MROH7: variants seen among roughly 807,000 people sequenced by gnomAD.
MROH7 encodes maestro heat-like repeat-containing protein family member 7.
A neutral mutation model predicts 129.2 loss-of-function variants in MROH7; 113 were observed. That is an observed-to-expected ratio of 0.87 (90% confidence interval 0.75 to 1.02). The LOEUF (loss-of-function observed/expected upper bound fraction) is 1.02, where lower values mean the gene tolerates loss of function less well. MROH7 is among the 50% of genes least tolerant of loss of function. MROH7 has a pLI of 0.00. For synonymous variants in MROH7, 655 were observed against 667.9 expected, an observed-to-expected ratio of 0.98 and a Z score of 0.30; for missense variants, 1,601 against 1,671.3, an observed-to-expected ratio of 0.96 and a Z score of 0.73.
At position 54,690,525 on chromosome 1, in the gene MROH7, A is replaced by G. The variant is rs1426293189; in HGVS notation, c.2712-1899A>G. 5.3e-5 allele frequency among the ~76,000 whole-genome samples: 8 copies of G among 150,432 alleles called. No homozygotes were observed. In the South Asian group the frequency reaches 6.4e-4, roughly 12 times the overall value. On this transcript the variant is annotated intron_variant, in intron 15 of 23. Transcript: ENST00000421030. ...GTGGCGCTACCTCAGCTCACTGCAA[A>G]CTCCGCCTCCCGGGTTCACGCCATT...
At chr1:54,675,683 A>T (rs140152674) in intron 10 of MROH7, among the ~76,000 whole-genome samples, 4 of 151,182 alleles carry the variant, frequency 2.6e-5, no homozygotes, top group South Asian at 4.2e-4. Context: ...CTGCAGCCTC[A>T]ATCTTTCAGG....
At position 54,652,932 on chromosome 1, in the gene MROH7, C is replaced by T. The variant is rs1011418399; in HGVS notation, c.6C>T (p.Ala2=). Residue 2 remains alanine (A), a synonymous_variant, in exon 3 of 24, where the codon GCC becomes GCT. Transcript: ENST00000421030. The part of the protein sequence containing the change: M[A]LSPGANLVFH... ...GAGAGACCTCCAGACTGGACATGGCCCTGAGTCCAGGGGCTAACCTGGTCT... is the reference window on the plus strand; with the variant it reads ...GAGAGACCTCCAGACTGGACATGGCTCTGAGTCCAGGGGCTAACCTGGTCT... The T allele has an allele frequency of 2.5e-6, 4 of 1,582,628 alleles. No individual in the cohort carries two copies. The African/African-American group carries it at 4.1e-5, about 16-fold the overall frequency.
rs1644580426 is a variant in MROH7 at position 54,652,989 on chromosome 1, C to T, written c.63C>T (p.Pro21=). The T allele has an allele frequency of 6.2e-7, 1 of 1,613,780 alleles. No individual in the cohort carries two copies. The highest frequency in any genetic ancestry group is 8.5e-7 in the Non-Finnish European group (1 of 1,179,864). The stretch of plus-strand genomic sequence containing the variant: ...AAGACCCAAAGATGACACCAAGTCC[C>T]CCCTCCTGTGGGGCCCCGGGATTAG... ...FHEDPKMTPS[P]PSCGAPGLGS... Residue 21 remains proline (P), a synonymous_variant, in exon 3 of 24, where the codon CCC becomes CCT. Transcript: ENST00000421030.
chr1:54,686,191 A>C (rs1645143963), intron 14 of MROH7, 67 bp from the exon 15 acceptor site: 1 of 1,430,708 alleles, frequency 7.0e-7, no homozygotes, highest in East Asian at 2.3e-5. Context: ...GAGGCAGTCC[A>C]GGCCCCAGCC....
chr1:54,656,247 C>T (rs868749410), intron 3 of MROH7, among the ~76,000 whole-genome samples: 3 of 151,120 alleles, frequency 2.0e-5, no homozygotes, highest in Non-Finnish European at 4.4e-5. Context: ...TGTGGTGGCT[C>T]ACGCCTGTAA....
intron 5 of MROH7, 34 bp downstream of exon 5, chr1:54,668,971 G>A (rs1644854866): frequency 1.3e-6 from 2 of 1,496,276 alleles, no homozygotes; most frequent in Non-Finnish European, 1.9e-6. Context: ...GTGGCATTGG[G>A]GTGGGAGGGG....
At position 54,653,759 on chromosome 1, in the gene MROH7, T is replaced by G. The variant is rs748594977; in HGVS notation, c.833T>G (p.Val278Gly). Residue 278 changes from valine (V) to glycine (G), a missense_variant, in exon 3 of 24, where the codon GTG (valine) becomes GGG (glycine). Coordinates refer to ENST00000421030, the MANE Select transcript of MROH7 (RefSeq NM_001039464.4). ...WSTSSKETMN[V>G]ASSGHSRSDL... ...ACAAGTTCAAAGGAAACCATGAATGTGGCTTCCAGCGGCCACTCCAGATCT... is the reference window on the plus strand; with the variant it reads ...ACAAGTTCAAAGGAAACCATGAATGGGGCTTCCAGCGGCCACTCCAGATCT... The G allele has an allele frequency of 1.2e-6, 2 of 1,614,198 alleles. No individual in the cohort carries two copies. Among genetic ancestry groups the G allele is most frequent in the Non-Finnish European group, 1.7e-6 (2 of 1,180,014 alleles).
chr1:54,679,421 C>A lies in MROH7; in HGVS notation c.2208C>A (p.Arg736=). Reference sequence around the variant, plus strand: ...TCAGCTCGGTGCTGGAGTGGTACCGCCACAGGGCGCTGGAGGTGGTAAGGC... The same window carrying A: ...TCAGCTCGGTGCTGGAGTGGTACCGACACAGGGCGCTGGAGGTGGTAAGGC... ...VMLSSVLEWY[R]HRALEVIPEI... The change falls in exon 12 of 24, where the codon CGC becomes CGA. Residue 736 remains arginine (R), a synonymous_variant. Coordinates refer to ENST00000421030, the MANE Select transcript of MROH7 (RefSeq NM_001039464.4). 2.5e-6 allele frequency: 4 copies of A among 1,613,614 alleles called. No homozygotes were observed. Among genetic ancestry groups the A allele is most frequent in the Non-Finnish European group, 3.4e-6 (4 of 1,179,776 alleles).
At chr1:54,643,033 T>C (rs775685603) in intron 1 of MROH7, among the ~76,000 whole-genome samples, 1 of 152,216 alleles carries the variant, frequency 6.6e-6, no homozygotes, top group African/African-American at 2.4e-5. Flanking sequence ...CCGTGAATGT[T>C]TTCTGAACCT....
intron 23 of MROH7, 48 bp from the exon 24 acceptor site, chr1:54,709,898 T>A (rs754879016): frequency 6.3e-7 from 1 of 1,588,864 alleles, no homozygotes; most frequent in Admixed American, 1.7e-5. Flanking sequence ...GAGACCCACA[T>A]AGGGCCCTGG....
intron 3 of MROH7, among the ~76,000 whole-genome samples, chr1:54,663,274 T>A (rs1416575530): frequency 6.6e-6 from 1 of 152,196 alleles, no homozygotes; most frequent in Non-Finnish European, 1.5e-5. Context: ...TTTTCACAAT[T>A]TATTGTGATA....
Position 54,653,293 on chromosome 1 carries a change from C to G in MROH7, c.367C>G (p.Pro123Ala). 2 of 1,614,176 alleles carry G rather than the reference C, an allele frequency of 1.2e-6. No homozygotes were observed. Among genetic ancestry groups the G allele is most frequent in the Non-Finnish European group, 1.7e-6 (2 of 1,180,028 alleles). ...GCCTGACTCACAGGGGCGCCTCTGTCCAGCCTCAAACCCCATTCTGAGCCC... is the reference window on the plus strand; with the variant it reads ...GCCTGACTCACAGGGGCGCCTCTGTGCAGCCTCAAACCCCATTCTGAGCCC... The part of the protein sequence containing the change: ...SRPDSQGRLC[P>A]ASNPILSPSS... The change falls in exon 3 of 24, where the codon CCA (proline) becomes GCA (alanine). Residue 123 changes from proline (P) to alanine (A), a missense_variant. Physicochemically the swap from Pro to Ala is conservative, Grantham distance 27 (BLOSUM62 -1). Coordinates refer to ENST00000421030, the MANE Select transcript of MROH7 (RefSeq NM_001039464.4).
chr1:54,708,856 G>T (rs1557735122), intron 22 of MROH7, among the ~76,000 whole-genome samples, 158 bp from the exon 23 acceptor site: 1 of 151,994 alleles, frequency 6.6e-6, no homozygotes, highest in Non-Finnish European at 1.5e-5. Flanking sequence ...ACCCCTCTTG[G>T]GGAATCTGTC....
chr1:54,680,896 C>G (rs982012320), intron 13 of MROH7, among the ~76,000 whole-genome samples: 3 of 152,156 alleles, frequency 2.0e-5, no homozygotes, highest in African/African-American at 7.2e-5. Flanking sequence ...TGGCACATCC[C>G]AGTCTCCCAC....
rs759080340 is a variant in MROH7, at chr1:54,710,048, C to T, written c.3833C>T (p.Pro1278Leu). 5.1e-5 allele frequency: 83 copies of T among 1,613,986 alleles called. No individual in the cohort carries two copies. The highest frequency in any genetic ancestry group is 2.9e-4 in the African/African-American group (22 of 74,906). ...AGCTGCTGGCAGAACTCCTGGCTGC[C>T]GCACGGGAACTCATGGGTGTGTTAC... ...LASCWQNSWLPHGNSWVCYSA... is the reference protein window; with the variant it reads ...LASCWQNSWLLHGNSWVCYSA... The change falls in exon 24 of 24, where the codon CCG becomes CTG. Residue 1278 changes from proline (P) to leucine (L), a missense_variant. Coordinates refer to ENST00000421030, the MANE Select transcript of MROH7 (RefSeq NM_001039464.4).
intron 4 of MROH7, 45 bp from the exon 5 acceptor site, chr1:54,668,809 C>T (rs766285283): frequency 6.8e-7 from 1 of 1,478,310 alleles, no homozygotes; most frequent in Non-Finnish European, 9.5e-7. Context: ...GGACTGGGCT[C>T]AGTGGGTCTC....
chr1:54,705,183 A>G (rs1291211274), intron 21 of MROH7, among the ~76,000 whole-genome samples: 1 of 152,212 alleles, frequency 6.6e-6, no homozygotes, highest in Non-Finnish European at 1.5e-5. Flanking sequence ...CCTCTACATT[A>G]GACCCCTCTG....
chr1:54,677,403 CAAACAAACAAAACAAAACA>C (rs1456227130), intron 10 of MROH7, among the ~76,000 whole-genome samples: 1 of 152,002 alleles, frequency 6.6e-6, no homozygotes, highest in African/African-American at 2.4e-5. Context: ...TGTCTCAAAA[CAAACAAACAAAACAAAACA>C]AAACAAACAA....
chr1:54,701,091 CT>C, intron 18 of MROH7, 51 bp from the exon 19 acceptor site: 1 of 1,590,120 alleles, frequency 6.3e-7, no homozygotes, highest in Non-Finnish European at 8.6e-7. Flanking sequence ...GGGTCTCTTC[CT>C]ACTTGCTAGC....
Sources: allele counts gnomAD v4.1 joint callset (sites outside exome capture counted in the v4.1 genomes callset), GRCh38; gene constraint gnomAD v4.1.1; transcripts MANE v1.5; gene names NCBI Gene and HGNC (gene_info 2026-07-23, HGNC 2026-07-21).